Variants in KEAP1 observed in about 807,000 individuals in gnomAD.
The protein encoded by KEAP1 is kelch like ECH associated protein 1.
A neutral mutation model predicts 59.7 loss-of-function variants in KEAP1; 26 were observed. That is an observed-to-expected ratio of 0.44 (90% CI 0.32 to 0.60). KEAP1 has a LOEUF of 0.60. KEAP1 is among the 20% of genes least tolerant of loss of function. The probability of loss-of-function intolerance (pLI) is 0.06; values close to 1 mark genes in which losing one functional copy is unlikely to be tolerated. For synonymous variants in KEAP1, 350 were observed against 358.3 expected (o/e 0.98, Z 0.26); for missense variants, 539 against 871.4 (o/e 0.62, Z 4.80).
chr19:10,501,470 A>G (rs986691619), intron 1 of KEAP1, among the ~76,000 whole-genome samples: 1 of 151,850 alleles, frequency 6.6e-6, no homozygotes, highest in African/African-American at 2.4e-5. Context: ...TCTACTAAAA[A>G]TACAAAAAAA....
In KEAP1 at chr19:10,489,868, G is replaced by A. The variant is rs1209332704; in HGVS notation, c.1326-15C>T. 4 of 1,607,622 alleles carry A rather than the reference G, an allele frequency of 2.5e-6. No homozygotes were observed. The highest frequency in any genetic ancestry group is 3.4e-6 in the Non-Finnish European group (4 of 1,176,728). ...CTGGCTCATACCTGCAAGGGCGTAA[G>A]AAAAATGGGGACAATGGCCATTATA... On this transcript the variant is annotated splice_polypyrimidine_tract_variant and intron_variant, in intron 3 of 5. Transcript: ENST00000171111.
intron 4 of KEAP1, 129 bp downstream of exon 4, chr19:10,489,519 A>G: frequency 2.4e-6 from 3 of 1,269,814 alleles, no homozygotes; most frequent in Non-Finnish European, 2.2e-6. Flanking sequence ...CTCTATCAGA[A>G]TCCAGGGCTT....
intron 4 of KEAP1, 31 bp from the exon 5 acceptor site, chr19:10,489,399 TG>T: frequency 6.3e-7 from 1 of 1,591,440 alleles, no homozygotes. Context: ...AAGGTGACTC[TG>T]GGGGTCTGGC....
At chr19:10,496,270 C>T (rs1034220488) in intron 2 of KEAP1, among the ~76,000 whole-genome samples, 29 of 150,920 alleles carry the variant, frequency 1.9e-4, no homozygotes, top group African/African-American at 6.1e-4. Context: ...CCAAGTCGGG[C>T]GGATCACTTG....
chr19:10,491,705 C>A lies in KEAP1; in HGVS notation c.1197G>T (p.Met399Ile), dbSNP rs2144597691. The change falls in exon 3 of 6, where the codon ATG becomes ATT. Residue 399 changes from methionine (M) to isoleucine (I), a missense_variant. By Grantham distance (10) the Met-to-Ile change is conservative. Around this residue, in one of 4 missense-constraint regions of KEAP1, gnomAD observed 311 missense variants for 425.2 expected, o/e 0.73. Coordinates refer to ENST00000171111, the MANE Select transcript of KEAP1 (RefSeq NM_203500.2). The surrounding 1 kb of genome is among the most constrained non-coding windows in gnomAD (Gnocchi z 5.2). ...DSSALDCYNP[M>I]TNQWSPCAPM... ...GGGCGCAGGGCGACCACTGATTGGT[C>A]ATGGGGTTGTAACAGTCCAGGGCGC... The A allele has an allele frequency of 6.4e-7, 1 of 1,571,194 alleles. No individual in the cohort carries two copies. The highest frequency in any genetic ancestry group is 8.6e-7 in the Non-Finnish European group (1 of 1,159,208).
intron 2 of KEAP1, among the ~76,000 whole-genome samples, chr19:10,493,859 C>T (rs1401212849): frequency 6.6e-6 from 1 of 152,044 alleles, no homozygotes; most frequent in Admixed American, 6.6e-5. Context: ...CCTCGCCTGG[C>T]CAGTCTTGAA....
At chr19:10,486,994 C>T (rs1419359577) in intron 5 of KEAP1, among the ~76,000 whole-genome samples, 176 bp from the exon 6 acceptor site, 3 of 140,268 alleles carry the variant, frequency 2.1e-5, no homozygotes, top group Non-Finnish European at 4.5e-5. Context: ...GCCAGGAGTT[C>T]GAAGCCAGCC....
At chr19:10,497,075 T>TACAGTGCC (rs2144618364) in intron 2 of KEAP1, among the ~76,000 whole-genome samples, 1 of 149,582 alleles carries the variant, frequency 6.7e-6, no homozygotes, top group East Asian at 2.0e-4. Context: ...AGTGAGCCGA[T>TACAGTGCC]ACAGTGCCAC....
At chr19:10,492,719 T>G in intron 2 of KEAP1, 1 of 159,318 alleles carries the variant, frequency 6.3e-6, no homozygotes, top group South Asian at 1.8e-4. Flanking sequence ...AGCAAGACTC[T>G]GTCTCAAAGA....
At chr19:10,494,612 C>T (rs1346322638) in intron 2 of KEAP1, among the ~76,000 whole-genome samples, 1 of 150,240 alleles carries the variant, frequency 6.7e-6, no homozygotes, top group African/African-American at 2.4e-5. Context: ...GCTGGGATTA[C>T]AGGCCTGAGC....
chr19:10,501,010 C>T (rs778910549), intron 1 of KEAP1, among the ~76,000 whole-genome samples: 1 of 152,080 alleles, frequency 6.6e-6, no homozygotes, highest in Non-Finnish European at 1.5e-5. Flanking sequence ...TCTGGCAGAC[C>T]AAGCCTCTTT....
In KEAP1 at chr19:10,486,326, A is replaced by C; in HGVS notation, c.*326T>G. On this transcript the variant is annotated 3_prime_UTR_variant, in exon 6 of 6. Coordinates refer to ENST00000171111, the MANE Select transcript of KEAP1 (RefSeq NM_203500.2). ...TCCCAGGTATCCAAGAATAAATCAC[A>C]TGGTGACAGCTGCCGGCATGGGTGA... 1 of 284,480 alleles carries C rather than the reference A, an allele frequency of 3.5e-6. No homozygotes were observed. Among genetic ancestry groups the C allele is most frequent in the Non-Finnish European group, 6.6e-6 (1 of 151,050 alleles). The allele number at this position is 284,480 out of a possible 1,614,324, so 17.6% of individuals were successfully genotyped here. A position where few individuals can be genotyped will look rare whatever the true frequency, so the allele number is the denominator to read the frequency against.
In KEAP1 at chr19:10,501,594, C is replaced by T. The variant is rs11878950; in HGVS notation, c.-47-1514G>A. On this transcript the variant is annotated intron_variant, in intron 1 of 5. Coordinates refer to ENST00000171111, the MANE Select transcript of KEAP1 (RefSeq NM_203500.2). ...GCAGTGAGCCGAGATCGCACCACTG[C>T]ATTCCAGCCTGGGTGACAGAACAAG... 6.3e-3 allele frequency among the ~76,000 whole-genome samples: 959 copies of T among 152,220 alleles called. 7 individuals are homozygous for T. The highest frequency in any genetic ancestry group is 5.2e-3 in the Non-Finnish European group (355 of 68,014).
intron 5 of KEAP1, among the ~76,000 whole-genome samples, chr19:10,487,955 CCCTTCTCT>C (rs1465524233): frequency 3.3e-5 from 5 of 151,944 alleles, no homozygotes; most frequent in Non-Finnish European, 7.4e-5. Flanking sequence ...ATGGAGAAAA[CCCTTCTCT>C]ACTAAAAATA....
chr19:10,489,806 G>T lies in KEAP1; in HGVS notation c.1373C>A (p.Thr458Lys). Residue 458 changes from threonine (T) to lysine (K), a missense_variant, in exon 4 of 6, where the codon ACA becomes AAA. By Grantham distance (78) the Thr-to-Lys change is moderately conservative (BLOSUM62 -1). Around this residue, in one of 4 missense-constraint regions of KEAP1, gnomAD observed 311 missense variants for 425.2 expected, o/e 0.73. Transcript: ENST00000171111. ...DEWHLVAPML[T>K]RRIGVGVAVL... ...AGCCACGCCCACCCCGATCCTTCGT[G>T]TCAGCATTGGGGCCACCAAGTGCCA... is the stretch of plus-strand genomic sequence containing the variant. The T allele has an allele frequency of 6.2e-7, 1 of 1,614,090 alleles. No individual in the cohort carries two copies.
chr19:10,489,592 C>T (rs766513589), intron 4 of KEAP1, 56 bp downstream of exon 4: 502 of 1,586,678 alleles, frequency 3.2e-4, no homozygotes, highest in Non-Finnish European at 4.1e-4. Context: ...CTCAGTTTCA[C>T]CCCAGGATGG....
At chr19:10,496,121 G>A (rs1466538426) in intron 2 of KEAP1, among the ~76,000 whole-genome samples, 1 of 150,288 alleles carries the variant, frequency 6.7e-6, no homozygotes, top group Admixed American at 6.7e-5. Flanking sequence ...CCCAGGAGCT[G>A]GAGTTTGTGA....
chr19:10,487,408 G>A (rs1157593168), intron 5 of KEAP1, among the ~76,000 whole-genome samples: 2 of 152,180 alleles, frequency 1.3e-5, no homozygotes, highest in Admixed American at 1.3e-4. Context: ...TGCAATCCCA[G>A]CACTTTGGGA....
Position 10,499,144 on chromosome 19 carries a change from TTTTG to T in KEAP1, c.639+247_639+250del, listed in dbSNP as rs1414758087. ...GCCACCACGCCCGGCCCCAGTTGTTTTTTGTTTGTGTGTTTGTTTGTTTAGAGAC... is the reference window on the plus strand; with the variant it reads ...GCCACCACGCCCGGCCCCAGTTGTTTTTTGTGTGTTTGTTTGTTTAGAGAC... On this transcript the variant is annotated intron_variant, in intron 2 of 5. Coordinates refer to ENST00000171111, the MANE Select transcript of KEAP1 (RefSeq NM_203500.2). This position sits in a 1 kb window ranked among gnomAD's most constrained non-coding sequence, Gnocchi z 6.7. 2.0e-5 allele frequency among the ~76,000 whole-genome samples: 3 copies of T among 152,060 alleles called. No homozygotes were observed. The highest frequency in any genetic ancestry group is 2.0e-4 in the Admixed American group (3 of 15,234).
Sources: gnomAD v4.1 joint callset for allele counts (sites outside exome capture counted in the v4.1 genomes callset) on GRCh38, gnomAD v4.1.1 for gene constraint, gnomAD v4.1.1 regional missense constraint, Gnocchi (gnomAD v3.1) non-coding constraint, MANE v1.5 for transcripts, NCBI Gene and HGNC (gene_info 2026-07-23, HGNC 2026-07-21) for gene names.